The following PSMF1 variants were observed in gnomAD, a reference collection of about 807,000 sequenced individuals.
PSMF1 encodes the protein proteasome inhibitor PI31 subunit.
PSMF1 carries 30 observed loss-of-function variants against 29.3 expected under a neutral mutation model. The observed-to-expected ratio is 1.02, with a 90% confidence interval of 0.77 to 1.39. The LOEUF (loss-of-function observed/expected upper bound fraction) is 1.39, where lower values mean the gene tolerates loss of function less well. Among genes scored for constraint, PSMF1 ranks in the 40% most tolerant of loss-of-function variants. The pLI is 0.00. For missense variants in PSMF1, 344 were observed against 357.5 expected, an observed-to-expected ratio of 0.96 and a Z score of 0.31; for synonymous variants, 134 against 139.7, an observed-to-expected ratio of 0.96 and a Z score of 0.29.
intron 4 of PSMF1, chr20:1,161,220 T>C: frequency 3.1e-6 from 1 of 322,346 alleles, no homozygotes; most frequent in Non-Finnish European, 6.1e-6. Context: ...GGAGAAGCAG[T>C]GCTGCGTCGC....
At chr20:1,147,453 A>C (rs2086468094) in intron 4 of PSMF1, among the ~76,000 whole-genome samples, 1 of 152,194 alleles carries the variant, frequency 6.6e-6, no homozygotes, top group Admixed American at 6.5e-5. Flanking sequence ...TGTCAGCGTT[A>C]GTTCATGTAA....
intron 4 of PSMF1, chr20:1,160,718 G>A (rs1250771382): frequency 6.2e-6 from 3 of 482,720 alleles, no homozygotes; most frequent in Admixed American, 2.3e-5. Flanking sequence ...GCATGATGGT[G>A]GGGATGGGCC....
chr20:1,136,918 G>A (rs2086314473), intron 4 of PSMF1, among the ~76,000 whole-genome samples: 1 of 152,062 alleles, frequency 6.6e-6, no homozygotes, highest in Non-Finnish European at 1.5e-5. Context: ...TAAAGTAGTA[G>A]AAAAAAATAC....
At chr20:1,124,841 G>A (rs1215433447) in intron 1 of PSMF1, among the ~76,000 whole-genome samples, 1 of 152,366 alleles carries the variant, frequency 6.6e-6, no homozygotes, top group East Asian at 1.9e-4. Flanking sequence ...ATGGTTGCAT[G>A]TATAGTAATA....
intron 4 of PSMF1, 40 bp downstream of exon 4, chr20:1,135,346 A>G (rs2086293007): frequency 6.4e-7 from 1 of 1,553,092 alleles, no homozygotes; most frequent in South Asian, 1.2e-5. Context: ...ATGCTTCTGT[A>G]GAGGGATTCC....
chr20:1,152,277 A>G (rs1429712907), intron 4 of PSMF1, among the ~76,000 whole-genome samples: 1 of 152,260 alleles, frequency 6.6e-6, no homozygotes, highest in Non-Finnish European at 1.5e-5. Context: ...TGAGGCAGCA[A>G]GAGCTTGACT....
chr20:1,140,832 T>C (rs1239027375), intron 4 of PSMF1, among the ~76,000 whole-genome samples: 1 of 152,210 alleles, frequency 6.6e-6, no homozygotes, highest in Non-Finnish European at 1.5e-5. Flanking sequence ...GTACAGATAG[T>C]CCATGAGCAC....
rs772036269 is a variant in PSMF1 at position 1,163,150 on chromosome 20, T to C, written c.572T>C (p.Phe191Ser). ...QPPWCDPLGP[F>S]VVGGEDLDPF... The stretch of plus-strand genomic sequence containing the variant: ...TTCAGGTGTGATCCCCTGGGCCCGT[T>C]TGTTGTCGGGGGAGAAGACTTAGAC... Residue 191 changes from phenylalanine to serine, a missense_variant, in exon 5 of 7, where the codon TTT becomes TCT. Coordinates refer to ENST00000335877, the MANE Select transcript of PSMF1 (RefSeq NM_006814.5). The surrounding 1 kb of genome is among the most constrained non-coding windows in gnomAD (Gnocchi z 6.1). 1 of 1,614,140 alleles carries C rather than the reference T, an allele frequency of 6.2e-7. No homozygotes were observed. Among genetic ancestry groups the C allele is most frequent in the South Asian group, 1.1e-5 (1 of 91,078 alleles).
In PSMF1 at chr20:1,169,964, C is replaced by T. The variant is rs1466503611; in HGVS notation, c.*4884C>T. On this transcript the variant is annotated 3_prime_UTR_variant, in exon 7 of 7. Coordinates refer to ENST00000335877, the MANE Select transcript of PSMF1 (RefSeq NM_006814.5). The stretch of plus-strand genomic sequence containing the variant: ...CACAGCCTTGCATGCCTGAGCCTAA[C>T]CATCTCCTGAGATGCTTGCTCTAAG... 6.6e-6 allele frequency among the ~76,000 whole-genome samples: 1 copy of T among 152,216 alleles called. No individual in the cohort carries two copies. Among genetic ancestry groups the T allele is most frequent in the Non-Finnish European group, 1.5e-5 (1 of 68,034 alleles).
chr20:1,146,923 T>C (rs2086456974), intron 4 of PSMF1, among the ~76,000 whole-genome samples: 1 of 152,206 alleles, frequency 6.6e-6, no homozygotes, highest in African/African-American at 2.4e-5. Flanking sequence ...TGGATGCCCA[T>C]TCAGGTAGCT....
intron 4 of PSMF1, among the ~76,000 whole-genome samples, chr20:1,149,240 T>G (rs891578428): frequency 1.3e-5 from 2 of 152,248 alleles, no homozygotes; most frequent in Non-Finnish European, 2.9e-5. Flanking sequence ...TAAACCAACT[T>G]GACGAGTAGT....
rs900278899 is a variant in PSMF1, at chr20:1,158,094, G to T, written c.552-5036G>T. Among the ~76,000 whole-genome samples, 11 of 152,176 alleles carry T rather than the reference G, an allele frequency of 7.2e-5. No homozygotes were observed. The South Asian group carries it at 2.1e-3, about 29-fold the overall frequency. Reference sequence around the variant, plus strand: ...TAACTTCCAGTTTAATGGAATTATTGTGTCTCCTGGTGGCAGCGTTCCTCC... The same window carrying T: ...TAACTTCCAGTTTAATGGAATTATTTTGTCTCCTGGTGGCAGCGTTCCTCC... On this transcript the variant is annotated intron_variant, in intron 4 of 6. Transcript: ENST00000335877.
Position 1,118,706 on chromosome 20 carries a change from C to T in PSMF1, c.-68C>T. Reference sequence around the variant, plus strand: ...GAAGCAGAGTTATAGCTACCCCGGCCGCGGAGCCGGCTCACTGCACTACCC... The same window carrying T: ...GAAGCAGAGTTATAGCTACCCCGGCTGCGGAGCCGGCTCACTGCACTACCC... On this transcript the variant is annotated 5_prime_UTR_variant, in exon 1 of 7. Coordinates refer to ENST00000335877, the MANE Select transcript of PSMF1 (RefSeq NM_006814.5). 6.6e-7 allele frequency: 1 copy of T among 1,523,864 alleles called. No homozygotes were observed. The highest frequency in any genetic ancestry group is 8.9e-7 in the Non-Finnish European group (1 of 1,122,882). The allele number at this position is 1,523,864 out of a possible 1,614,324, so 94.4% of individuals were successfully genotyped here.
intron 4 of PSMF1, among the ~76,000 whole-genome samples, chr20:1,141,151 G>T (rs1011464045): frequency 6.6e-6 from 1 of 152,168 alleles, no homozygotes; most frequent in Non-Finnish European, 1.5e-5. Flanking sequence ...GCAGATTAAT[G>T]GTTGCCAGGG....
chr20:1,133,555 G>GTGTATATATATATATA lies in PSMF1; in HGVS notation c.366-1565_366-1564insGTATATATATATATAT, dbSNP rs60728448. 1.1e-4 allele frequency among the ~76,000 whole-genome samples: 6 copies of GTGTATATATATATATA among 53,986 alleles called. 1 individual carries two copies. The highest frequency in any genetic ancestry group is 3.8e-4 in the African/African-American group (6 of 15,682). 35.4% of individuals were successfully genotyped at this position (53,986 alleles called of 152,430 possible). A position where few individuals can be genotyped will look rare whatever the true frequency, so the allele number is the denominator to read the frequency against. On this transcript the variant is annotated intron_variant, in intron 3 of 6. Transcript: ENST00000335877. ...ATAGGATATACTAGTCTATATATGT[G>GTGTATATATATATATA]TATATATATATATATTTTTTTTTTT...
Position 1,166,276 on chromosome 20 carries a change from A to AAGAGCACGAT in PSMF1, c.*1204_*1213dup. The AAGAGCACGAT allele has an allele frequency of 6.2e-7, 1 of 1,610,628 alleles. No individual in the cohort carries two copies. The highest frequency in any genetic ancestry group is 8.5e-7 in the Non-Finnish European group (1 of 1,178,292). ...GTGATGAGCCCTGTTCTGGAGTGGA[A>AAGAGCACGAT]AGAGCACGATAGAGCACCAGGCTAA... On this transcript the variant is annotated 3_prime_UTR_variant, in exon 7 of 7. Transcript: ENST00000335877.
chr20:1,158,037 G>T (rs1040424657), intron 4 of PSMF1, among the ~76,000 whole-genome samples: 1 of 152,080 alleles, frequency 6.6e-6, no homozygotes, highest in African/African-American at 2.4e-5. Flanking sequence ...TGACTTAAAG[G>T]TAGAGGAGCC....
chr20:1,120,342 G>T (rs1021783014), intron 1 of PSMF1, among the ~76,000 whole-genome samples: 3 of 152,150 alleles, frequency 2.0e-5, no homozygotes, highest in Non-Finnish European at 2.9e-5. Flanking sequence ...AGAACAGCTA[G>T]CCTTTCACAC....
chr20:1,166,366 C>A lies in PSMF1; in HGVS notation c.*1286C>A. ...GCTAGCATTTCAACCATATGTGGATCCTTTCATTTCTCAGCTCCCTGGATT... is the reference window on the plus strand; with the variant it reads ...GCTAGCATTTCAACCATATGTGGATACTTTCATTTCTCAGCTCCCTGGATT... On this transcript the variant is annotated 3_prime_UTR_variant, in exon 7 of 7. Coordinates refer to ENST00000335877, the MANE Select transcript of PSMF1 (RefSeq NM_006814.5). The A allele has an allele frequency of 8.6e-7, 1 of 1,159,052 alleles. No homozygotes were observed. Among genetic ancestry groups the A allele is most frequent in the Non-Finnish European group, 1.3e-6 (1 of 789,844 alleles). 71.8% of individuals were successfully genotyped at this position (1,159,052 alleles called of 1,614,324 possible).
Sources: gnomAD v4.1 joint callset for allele counts (sites outside exome capture counted in the v4.1 genomes callset) on GRCh38, gnomAD v4.1.1 for gene constraint, Gnocchi (gnomAD v3.1) non-coding constraint, MANE v1.5 for transcripts, NCBI Gene and HGNC (gene_info 2026-07-23, HGNC 2026-07-21) for gene names.